Variants in CEP63 observed in about 807,000 individuals in gnomAD.
The protein encoded by CEP63 is centrosomal protein of 63 kDa.
Under a neutral mutation model 89.1 loss-of-function variants are expected in CEP63, and 84 were observed. The observed-to-expected ratio is 0.94, with a 90% CI of 0.79 to 1.13. The LOEUF is 1.13. Among genes scored for constraint, CEP63 ranks in the 50% most tolerant of loss-of-function variants. The pLI is 0.00. For synonymous variants in CEP63, 267 were observed against 272.5 expected, an observed-to-expected ratio of 0.98 and a Z score of 0.20; for missense variants, 838 against 813.3, an observed-to-expected ratio of 1.03 and a Z score of -0.37.
chr3:134,775,349 G>T, the CEP63 span, among the ~76,000 whole-genome samples: 1 of 152,216 alleles, frequency 6.6e-6, no homozygotes, highest in Non-Finnish European at 1.5e-5. Context: ...AACTTCCAGA[G>T]CACAGATTGT....
chr3:134,754,625 TGTCCGAGG>T, the CEP63 span, among the ~76,000 whole-genome samples: 1 of 152,070 alleles, frequency 6.6e-6, no homozygotes, highest in Non-Finnish European at 1.5e-5. Context: ...GGAGGGTGGG[TGTCCGAGG>T]GACACTCAGA....
the CEP63 span, among the ~76,000 whole-genome samples, chr3:134,640,335 G>C: frequency 2.0e-5 from 3 of 152,136 alleles, no homozygotes; most frequent in Non-Finnish European, 1.5e-5. Context: ...CACAGACATG[G>C]GTTCAACTTC....
chr3:134,650,837 G>T, the CEP63 span: 2 of 1,602,746 alleles, frequency 1.2e-6, no homozygotes, highest in South Asian at 1.1e-5. Context: ...CCTCCGCGCT[G>T]CAGCAGCGAG....
chr3:134,647,524 T>A, the CEP63 span: 1 of 1,481,842 alleles, frequency 6.7e-7, no homozygotes, highest in Non-Finnish European at 9.4e-7. Context: ...TTCTCTGAGG[T>A]GGGAGACTCA....
the CEP63 span, among the ~76,000 whole-genome samples, chr3:134,715,645 C>A: frequency 2.6e-5 from 4 of 151,436 alleles, no homozygotes; most frequent in East Asian, 1.9e-4. Flanking sequence ...CAGAGCAATG[C>A]GGGGCTAGGT....
the CEP63 span, among the ~76,000 whole-genome samples, chr3:134,710,418 A>T: frequency 7.2e-5 from 11 of 152,234 alleles, no homozygotes; most frequent in Admixed American, 6.5e-5. Flanking sequence ...AGCACTCCAC[A>T]GGCTCACTGC....
At chr3:134,672,486 T>A in the CEP63 span, among the ~76,000 whole-genome samples, 1 of 152,230 alleles carries the variant, frequency 6.6e-6, no homozygotes, top group East Asian at 1.9e-4. Flanking sequence ...AAAATTGTCA[T>A]GATTCTGGTT....
At chr3:134,743,178 T>A in the CEP63 span, among the ~76,000 whole-genome samples, 5 of 152,204 alleles carry the variant, frequency 3.3e-5, no homozygotes, top group Non-Finnish European at 5.9e-5. Context: ...CAGCTTGCCA[T>A]GAATCCTAGG....
At chr3:134,529,911 TC>T (rs1949519240) in intron 3 of CEP63, among the ~76,000 whole-genome samples, 1 of 147,442 alleles carries the variant, frequency 6.8e-6, no homozygotes, top group Non-Finnish European at 1.5e-5. Flanking sequence ...TCTTGCTCTG[TC>T]GCCCAGGCTG....
rs1944621266 is a variant in CEP63 at position 134,510,617 on chromosome 3, G to A, written c.222+3331G>A. The stretch of plus-strand genomic sequence containing the variant: ...CTTCAAGGTGCAGGGGTGGGAAATT[G>A]GGAGGCGGGAAGCAAGAAGAGTGCA... On this transcript the variant is annotated intron_variant, in intron 3 of 14. Transcript: ENST00000675561. The A allele has an allele frequency of 2.3e-5, 15 of 658,962 alleles. No homozygotes were observed. The Middle Eastern group carries it at 8.7e-4, about 38-fold the overall frequency. 40.8% of individuals were successfully genotyped at this position (658,962 alleles called of 1,614,324 possible). A position where few individuals can be genotyped will look rare whatever the true frequency, so the allele number is the denominator to read the frequency against.
the CEP63 span, among the ~76,000 whole-genome samples, chr3:134,665,638 G>T: frequency 6.6e-6 from 1 of 151,014 alleles, no homozygotes; most frequent in Non-Finnish European, 1.5e-5. Flanking sequence ...GGAAGAGAGA[G>T]AGGGGAAACA....
the CEP63 span, among the ~76,000 whole-genome samples, chr3:134,686,406 T>G: frequency 0.011 from 1,604 of 152,262 alleles, 25 homozygotes; most frequent in African/African-American, 0.037. Context: ...GCTGGAGAGC[T>G]CAGGTGACCA....
chr3:134,610,495 A>G, the CEP63 span: 753 of 900,272 alleles, frequency 8.4e-4, 5 homozygotes, highest in East Asian at 0.011. Flanking sequence ...CTCCCTGTCT[A>G]TCCTTTTCCT....
chr3:134,585,520 C>A (rs1263354106), intron 10 of CEP63, among the ~76,000 whole-genome samples: 3 of 152,132 alleles, frequency 2.0e-5, no homozygotes, highest in Non-Finnish European at 4.4e-5. Context: ...GTTCCTTAAT[C>A]CTGAGTTCTA....
At chr3:134,710,721 T>C in the CEP63 span, among the ~76,000 whole-genome samples, 2 of 128,200 alleles carry the variant, frequency 1.6e-5, no homozygotes, top group Non-Finnish European at 3.3e-5. Flanking sequence ...TTTTTCTTTT[T>C]CTTTCTTTTT....
At chr3:134,598,361 T>A in the CEP63 span, among the ~76,000 whole-genome samples, 4 of 152,196 alleles carry the variant, frequency 2.6e-5, no homozygotes, top group African/African-American at 9.7e-5. Context: ...CGATTCCCTA[T>A]AAAAACCAGT....
chr3:134,704,630 C>G, the CEP63 span, among the ~76,000 whole-genome samples: 1 of 152,236 alleles, frequency 6.6e-6, no homozygotes, highest in African/African-American at 2.4e-5. Flanking sequence ...TCTTTCTCCT[C>G]TGGAGCCAGG....
the CEP63 span, among the ~76,000 whole-genome samples, chr3:134,768,853 G>A: frequency 3.9e-5 from 6 of 152,188 alleles, no homozygotes; most frequent in Admixed American, 3.9e-4. Context: ...TGGGCCCAGT[G>A]TAATCACATG....
chr3:134,629,990 G>A, the CEP63 span, among the ~76,000 whole-genome samples: 1 of 152,326 alleles, frequency 6.6e-6, no homozygotes, highest in African/African-American at 2.4e-5. Context: ...GTAAATAATA[G>A]AATAACTGGG....
Sources: allele counts gnomAD v4.1 joint callset (sites outside exome capture counted in the v4.1 genomes callset), GRCh38; gene constraint gnomAD v4.1.1; transcripts MANE v1.5; gene names NCBI Gene and HGNC (gene_info 2026-07-23, HGNC 2026-07-21).